PCBP3: variants seen among roughly 807,000 people sequenced by gnomAD.
The protein encoded by PCBP3 is poly(rC) binding protein 3, also known as poly(rC)-binding protein 3.
Under a neutral mutation model 52.7 loss-of-function variants are expected in PCBP3, and 25 were observed. The ratio of observed to expected loss-of-function variants is 0.47; its 90% CI spans 0.35 to 0.66. The LOEUF is 0.66. Among genes scored for constraint, PCBP3 ranks in the 30% least tolerant of loss-of-function variants. The pLI is 0.01. For synonymous variants in PCBP3, 162 were observed against 183.0 expected (o/e 0.89, Z 0.93); for missense variants, 391 against 490.3 (o/e 0.80, Z 1.91).
At chr21:45,930,922 C>A in intron 15 of PCBP3, 77 bp downstream of exon 15, 2 of 1,584,922 alleles carry the variant, frequency 1.3e-6, no homozygotes, top group South Asian at 2.3e-5. Flanking sequence ...GTGTGGGGGC[C>A]CTGCCGCTGC....
At chr21:45,900,880 T>C (rs1463386823) in intron 8 of PCBP3, 117 bp from the exon 9 acceptor site, 2 of 764,804 alleles carry the variant, frequency 2.6e-6, no homozygotes, top group Non-Finnish European at 4.7e-6. Flanking sequence ...TCATTCATGG[T>C]TTCCGTCAGC....
intron 2 of PCBP3, among the ~76,000 whole-genome samples, chr21:45,707,876 T>C (rs2083559586): frequency 6.6e-6 from 1 of 152,186 alleles, no homozygotes; most frequent in Non-Finnish European, 1.5e-5. Flanking sequence ...TCTTCTGAAC[T>C]GCAGAGCTGA....
At chr21:45,812,353 C>A (rs1392383221) in intron 4 of PCBP3, among the ~76,000 whole-genome samples, 1 of 152,212 alleles carries the variant, frequency 6.6e-6, no homozygotes, top group Admixed American at 6.5e-5. Flanking sequence ...TCTCACGGAT[C>A]TGAGTTTCCA....
rs58344755 is a variant in PCBP3, at chr21:45,897,014, C to T, written c.165+652C>T. Among the ~76,000 whole-genome samples, 941 of 151,686 alleles carry T rather than the reference C, an allele frequency of 6.2e-3. 24 individuals are homozygous for T. Among genetic ancestry groups the T allele is most frequent in the African/African-American group, 0.022 (904 of 40,998 alleles). On this transcript the variant is annotated intron_variant, in intron 6 of 17. Coordinates refer to ENST00000681687, the MANE Select transcript of PCBP3 (RefSeq NM_001384156.1). ...GACATGGCACATAGAACCGGAGATG[C>T]ACTGCCCGGGCCATTGTCTCTGTAG...
At chr21:45,908,356 C>T (rs2096258049) in intron 9 of PCBP3, among the ~76,000 whole-genome samples, 2 of 152,190 alleles carry the variant, frequency 1.3e-5, no homozygotes, top group African/African-American at 4.8e-5. Context: ...CCAGCCTCAC[C>T]AGAAAGAACG....
In PCBP3 at chr21:45,941,816, G is replaced by T. The variant is rs1049936863; in HGVS notation, c.*110G>T. Reference sequence around the variant, plus strand: ...CTGCCTCACAGATACCAATAGAGAGGTTTTCTTAATTAACAAAAGGACGTA... The same window carrying T: ...CTGCCTCACAGATACCAATAGAGAGTTTTTCTTAATTAACAAAAGGACGTA... On this transcript the variant is annotated 3_prime_UTR_variant, in exon 18 of 18. Transcript: ENST00000681687. 4.9e-6 allele frequency: 4 copies of T among 823,412 alleles called. No homozygotes were observed. The highest frequency in any genetic ancestry group is 7.4e-6 in the Non-Finnish European group (4 of 537,656). 51.0% of individuals were successfully genotyped at this position (823,412 alleles called of 1,614,324 possible). A position where few individuals can be genotyped will look rare whatever the true frequency, so the allele number is the denominator to read the frequency against.
At chr21:45,929,830 C>A in intron 13 of PCBP3, 87 bp from the exon 14 acceptor site, 1 of 987,708 alleles carries the variant, frequency 1.0e-6, no homozygotes, top group Non-Finnish European at 1.6e-6. Context: ...TCTATCTGTG[C>A]AAAGTTCTGT....
At chr21:45,688,038 T>A (rs1365391908) in intron 2 of PCBP3, among the ~76,000 whole-genome samples, 1 of 152,168 alleles carries the variant, frequency 6.6e-6, no homozygotes, top group Non-Finnish European at 1.5e-5. Context: ...GTCAAAGACA[T>A]TTCATAGTGA....
intron 3 of PCBP3, chr21:45,747,898 C>T (rs1440156819): frequency 1.3e-5 from 2 of 152,366 alleles, no homozygotes; most frequent in South Asian, 2.1e-4. Flanking sequence ...GCTTTTTTCC[C>T]TCTCACCGGG....
chr21:45,778,034 T>C (rs1430349100), intron 4 of PCBP3, among the ~76,000 whole-genome samples: 1 of 151,878 alleles, frequency 6.6e-6, no homozygotes, highest in Admixed American at 6.6e-5. Context: ...TCTGCACTTC[T>C]AGTATAATAG....
At chr21:45,682,443 C>G (rs1473985537) in intron 2 of PCBP3, among the ~76,000 whole-genome samples, 2 of 152,142 alleles carry the variant, frequency 1.3e-5, no homozygotes, top group Non-Finnish European at 1.5e-5. Context: ...ATCATTCTGA[C>G]TAGTATGGGA....
At chr21:45,869,760 C>CGCCACCAACGTTGCAT (rs2094924949) in intron 5 of PCBP3, among the ~76,000 whole-genome samples, 1 of 152,194 alleles carries the variant, frequency 6.6e-6, no homozygotes, top group Admixed American at 6.5e-5. Context: ...CCTGTCCCCT[C>CGCCACCAACGTTGCAT]GCCACCAACG....
chr21:45,840,386 G>A (rs1009458190), intron 4 of PCBP3, among the ~76,000 whole-genome samples: 6 of 150,606 alleles, frequency 4.0e-5, no homozygotes, highest in African/African-American at 1.5e-4. Flanking sequence ...GAACCCGGGA[G>A]GCGGAGCTCG....
At chr21:45,664,525 AG>A (rs1348118227) in intron 1 of PCBP3, among the ~76,000 whole-genome samples, 3 of 151,832 alleles carry the variant, frequency 2.0e-5, no homozygotes, top group Non-Finnish European at 4.4e-5. Flanking sequence ...GAATATTTCA[AG>A]GGGACTAAAA....
At chr21:45,655,680 GCTT>G (rs964766822) in intron 1 of PCBP3, among the ~76,000 whole-genome samples, 2 of 152,174 alleles carry the variant, frequency 1.3e-5, no homozygotes. Context: ...AAACTAAAGA[GCTT>G]CTGCACAGCA....
chr21:45,756,621 G>A (rs2088071038), intron 4 of PCBP3, among the ~76,000 whole-genome samples: 1 of 151,910 alleles, frequency 6.6e-6, no homozygotes, highest in Non-Finnish European at 1.5e-5. Flanking sequence ...TAGTATATTC[G>A]CTAGCGTGTA....
At chr21:45,768,943 G>A (rs2089616317) in intron 4 of PCBP3, among the ~76,000 whole-genome samples, 1 of 152,252 alleles carries the variant, frequency 6.6e-6, no homozygotes, top group African/African-American at 2.4e-5. Flanking sequence ...ATCAGGGCAT[G>A]ATGACCGATG....
At chr21:45,891,977 G>A (rs964781550) in intron 5 of PCBP3, among the ~76,000 whole-genome samples, 20 of 152,304 alleles carry the variant, frequency 1.3e-4, no homozygotes, top group South Asian at 4.1e-4. Flanking sequence ...GAGCACCACC[G>A]GCCTAAAATC....
At position 45,901,022 on chromosome 21, in the gene PCBP3, A is replaced by C. The variant is rs2096021035; in HGVS notation, c.248A>C (p.Glu83Ala). 5 of 1,613,832 alleles carry C rather than the reference A, an allele frequency of 3.1e-6. No homozygotes were observed. The highest frequency in any genetic ancestry group is 4.2e-6 in the Non-Finnish European group (5 of 1,179,724). Reference sequence around the variant, plus strand: ...AGTGGTGCAAGGATCAACATCTCAGAGGGAAACTGCCCAGAGAGGATTGTG... The same window carrying C: ...AGTGGTGCAAGGATCAACATCTCAGCGGGAAACTGCCCAGAGAGGATTGTG... ...EESGARINISEGNCPERIVTI... is the reference protein window; with the variant it reads ...EESGARINISAGNCPERIVTI... Residue 83 changes from glutamate to alanine, a missense_variant, in exon 9 of 18, where the codon GAG becomes GCG. Coordinates refer to ENST00000681687, the MANE Select transcript of PCBP3 (RefSeq NM_001384156.1).
Sources: gnomAD v4.1 joint callset for allele counts (sites outside exome capture counted in the v4.1 genomes callset) on GRCh38, gnomAD v4.1.1 for gene constraint, MANE v1.5 for transcripts, NCBI Gene and HGNC (gene_info 2026-07-23, HGNC 2026-07-21) for gene names.